Variants in FREM1 observed in about 807,000 individuals in gnomAD.
FREM1 encodes the protein FRAS1-related extracellular matrix protein 1.
Under a neutral mutation model 210.1 loss-of-function variants are expected in FREM1, and 220 were observed. The observed-to-expected ratio is 1.05, with a 90% confidence interval of 0.94 to 1.17. FREM1 has a LOEUF of 1.17. Among genes scored for constraint, FREM1 ranks in the 50% most tolerant of loss-of-function variants. FREM1 has a pLI of 0.00. For missense variants in FREM1, 3,454 were observed against 2,675.5 expected (o/e 1.29, Z -6.42); for synonymous variants, 1,189 against 980.2 (o/e 1.21, Z -3.98).
intron 21 of FREM1, among the ~76,000 whole-genome samples, chr9:14,794,870 C>T (rs575146141): frequency 2.0e-5 from 3 of 151,768 alleles, no homozygotes; most frequent in Admixed American, 1.3e-4. Flanking sequence ...TGGTGGCAGG[C>T]GCCTGTAGTC....
chr9:14,820,765 A>C (rs1821152590), intron 13 of FREM1, among the ~76,000 whole-genome samples: 1 of 152,016 alleles, frequency 6.6e-6, no homozygotes, highest in Non-Finnish European at 1.5e-5. Context: ...CCCCACCCTG[A>C]CCTCTCCCAA....
intron 10 of FREM1, among the ~76,000 whole-genome samples, chr9:14,830,358 G>A (rs1477877710): frequency 1.3e-5 from 2 of 152,144 alleles, no homozygotes; most frequent in Non-Finnish European, 2.9e-5. Context: ...GGACACGGGG[G>A]AAGGCAGCAA....
chr9:14,878,565 T>A (rs1299562548), intron 1 of FREM1, among the ~76,000 whole-genome samples: 2 of 152,228 alleles, frequency 1.3e-5, no homozygotes, highest in East Asian at 3.9e-4. Context: ...ATAATGCATT[T>A]GATCCTTTAT....
chr9:14,818,023 C>T (rs1237660652), intron 14 of FREM1, among the ~76,000 whole-genome samples: 1 of 152,216 alleles, frequency 6.6e-6, no homozygotes, highest in Non-Finnish European at 1.5e-5. Context: ...AATCTGACCC[C>T]TCCATATACT....
chr9:14,740,645 A>G (rs1394670174), intron 35 of FREM1, among the ~76,000 whole-genome samples: 1 of 152,194 alleles, frequency 6.6e-6, no homozygotes, highest in African/African-American at 2.4e-5. Flanking sequence ...AGTTAACCCA[A>G]ACTAACTATT....
intron 1 of FREM1, among the ~76,000 whole-genome samples, chr9:14,880,772 C>A (rs756950578): frequency 2.4e-4 from 37 of 152,002 alleles, no homozygotes; most frequent in Non-Finnish European, 4.7e-4. Flanking sequence ...TTTTTATGGA[C>A]AAAACATACT....
intron 5 of FREM1, among the ~76,000 whole-genome samples, chr9:14,855,154 AATTATAGGCCT>A (rs1050424227): frequency 5.3e-5 from 8 of 152,096 alleles, no homozygotes; most frequent in Admixed American, 5.2e-4. Flanking sequence ...TCTGTAAGAA[AATTATAGGCCT>A]ATTATGTTTA....
intron 10 of FREM1, among the ~76,000 whole-genome samples, chr9:14,833,617 T>C (rs762007101): frequency 6.6e-6 from 1 of 152,222 alleles, no homozygotes; most frequent in Non-Finnish European, 1.5e-5. Flanking sequence ...TTTTGTAACA[T>C]TCAAAAGCTG....
At chr9:14,864,395 T>A (rs1831141018) in intron 2 of FREM1, among the ~76,000 whole-genome samples, 1 of 152,132 alleles carries the variant, frequency 6.6e-6, no homozygotes, top group Non-Finnish European at 1.5e-5. Context: ...TATTCTCATA[T>A]TCAAAGATGA....
chr9:14,825,366 C>A (rs1441654131), intron 10 of FREM1, among the ~76,000 whole-genome samples: 1 of 150,326 alleles, frequency 6.7e-6, no homozygotes, highest in Non-Finnish European at 1.5e-5. Context: ...TGGGTGCCTG[C>A]AATCCCAGCT....
intron 1 of FREM1, among the ~76,000 whole-genome samples, chr9:14,909,643 C>A (rs935488692): frequency 6.6e-6 from 1 of 152,174 alleles, no homozygotes; most frequent in Non-Finnish European, 1.5e-5. Context: ...ATGGTTATTT[C>A]ATTGGCAAGT....
intron 1 of FREM1, among the ~76,000 whole-genome samples, chr9:14,878,855 GA>G (rs1051558605): frequency 1.3e-5 from 2 of 151,726 alleles, no homozygotes; most frequent in Admixed American, 6.6e-5. Context: ...TATCTAAAAA[GA>G]AAAAACAAAA....
Position 14,848,732 on chromosome 9 carries a change from T to A in FREM1, c.1194A>T (p.Ala398=). The A allele has an allele frequency of 6.2e-7, 1 of 1,613,162 alleles. No individual in the cohort carries two copies. The highest frequency in any genetic ancestry group is 1.3e-5 in the African/African-American group (1 of 74,992). ...EVYDFFFERS[A]PMTVHISIRT... is the part of the protein sequence containing the mutation. ...TGATGGAGATGTGGACTGTCATAGG[T>A]GCACTCCTTTCAAAGAAGAAGTCGT... Residue 398 remains alanine, a synonymous_variant, in exon 7 of 37, where the codon GCA becomes GCT. Coordinates refer to ENST00000380880, the MANE Select transcript of FREM1 (RefSeq NM_001379081.2).
intron 24 of FREM1, among the ~76,000 whole-genome samples, chr9:14,777,540 C>G (rs375214378): frequency 6.6e-6 from 1 of 151,858 alleles, no homozygotes; most frequent in Non-Finnish European, 1.5e-5. Flanking sequence ...TCTATTCCAC[C>G]GATACAAAAA....
intron 1 of FREM1, among the ~76,000 whole-genome samples, chr9:14,884,714 G>GA (rs887632434): frequency 6.6e-6 from 1 of 151,472 alleles, no homozygotes; most frequent in Admixed American, 6.6e-5. Flanking sequence ...TGCACAACAA[G>GA]AAAAAAAATG....
intron 24 of FREM1, among the ~76,000 whole-genome samples, chr9:14,780,795 T>C (rs1421305726): frequency 6.6e-6 from 1 of 152,192 alleles, no homozygotes; most frequent in Non-Finnish European, 1.5e-5. Context: ...TTTAGGTGAT[T>C]AGATTGGTTG....
At chr9:14,842,036 C>T (rs1825780063) in intron 9 of FREM1, among the ~76,000 whole-genome samples, 1 of 152,112 alleles carries the variant, frequency 6.6e-6, no homozygotes, top group Non-Finnish European at 1.5e-5. Context: ...TGTTCTATCA[C>T]CTTGCTCGGC....
intron 21 of FREM1, among the ~76,000 whole-genome samples, chr9:14,795,150 C>T (rs1165918608): frequency 6.6e-6 from 1 of 152,100 alleles, no homozygotes; most frequent in African/African-American, 2.4e-5. Flanking sequence ...ATTAGGATAT[C>T]TGCTTGTAAT....
intron 1 of FREM1, among the ~76,000 whole-genome samples, chr9:14,881,741 AC>A (rs1197535573): frequency 6.6e-6 from 1 of 152,210 alleles, no homozygotes; most frequent in Non-Finnish European, 1.5e-5. Context: ...GTATATAGTC[AC>A]CCAGAACAAA....
Sources: gnomAD v4.1 joint callset for allele counts (sites outside exome capture counted in the v4.1 genomes callset) on GRCh38, gnomAD v4.1.1 for gene constraint, MANE v1.5 for transcripts, NCBI Gene and HGNC (gene_info 2026-07-23, HGNC 2026-07-21) for gene names.